SNN: variants seen among roughly 807,000 people sequenced by gnomAD.
SNN encodes the protein stannin.
SNN carries 5 observed loss-of-function variants against 5.3 expected under a neutral mutation model. That is an observed-to-expected ratio of 0.94 (90% confidence interval 0.49 to 1.97). The LOEUF (loss-of-function observed/expected upper bound fraction) is 1.97. SNN is among the 30% of genes most tolerant of loss of function. The pLI is 0.01. For synonymous variants in SNN, 67 were observed against 52.1 expected (o/e 1.29, Z -1.24); for missense variants, 127 against 121.6 (o/e 1.04, Z -0.21).
At position 11,678,095 on chromosome 16, in the gene SNN, C is replaced by T. The variant is rs554226872; in HGVS notation, c.*1769C>T. On this transcript the variant is annotated 3_prime_UTR_variant, in exon 2 of 2. Coordinates refer to ENST00000329565, the MANE Select transcript of SNN (RefSeq NM_003498.6). Reference sequence around the variant, plus strand: ...AGACCTTAGGAAGCAGGAGAGGCAACACCTCTGGCTACTGATGGTGTGGCA... The same window carrying T: ...AGACCTTAGGAAGCAGGAGAGGCAATACCTCTGGCTACTGATGGTGTGGCA... 6 of 167,204 alleles carry T rather than the reference C, an allele frequency of 3.6e-5. No individual in the cohort carries two copies. In the South Asian group the frequency reaches 1.2e-3, roughly 35 times the overall value. The allele number at this position is 167,204 out of a possible 1,614,324, so 10.4% of individuals were successfully genotyped here.
rs1445070299 is a variant in SNN, at chr16:11,676,672, CT to C, written c.*347del. The C allele has an allele frequency of 3.6e-6, 1 of 280,324 alleles. No homozygotes were observed. The highest frequency in any genetic ancestry group is 7.3e-6 in the Non-Finnish European group (1 of 137,196). 17.4% of individuals were successfully genotyped at this position (280,324 alleles called of 1,614,324 possible). A position where few individuals can be genotyped will look rare whatever the true frequency, so the allele number is the denominator to read the frequency against. On this transcript the variant is annotated 3_prime_UTR_variant, in exon 2 of 2. Coordinates refer to ENST00000329565, the MANE Select transcript of SNN (RefSeq NM_003498.6). ...AAACCTGTGAACTGTAAATAGGCCCCTGGAAGCACGTGCTTAAGCCCTTTTG... is the reference window on the plus strand; with the variant it reads ...AAACCTGTGAACTGTAAATAGGCCCCGGAAGCACGTGCTTAAGCCCTTTTG...
At chr16:11,670,575 T>C (rs896125925) in intron 1 of SNN, among the ~76,000 whole-genome samples, 1 of 152,216 alleles carries the variant, frequency 6.6e-6, no homozygotes, top group African/African-American at 2.4e-5. Flanking sequence ...CCTTTTGTTT[T>C]CACTTTTCTT....
rs1010731549 is a variant in SNN, at chr16:11,672,909, G to A, written c.-85-3066G>A. ...TGGCCTGCCCACCTGGCTTTGCCCC[G>A]CCTATCCCAGGTCCTGGTGCCATTG... On this transcript the variant is annotated intron_variant, in intron 1 of 1. Coordinates refer to ENST00000329565, the MANE Select transcript of SNN (RefSeq NM_003498.6). This position sits in a 1 kb window ranked among gnomAD's most constrained non-coding sequence, Gnocchi z 6.0. 2.6e-5 allele frequency among the ~76,000 whole-genome samples: 4 copies of A among 152,116 alleles called. No individual in the cohort carries two copies. Among genetic ancestry groups the A allele is most frequent in the Non-Finnish European group, 5.9e-5 (4 of 68,020 alleles).
At position 11,679,143 on chromosome 16, in the gene SNN, A is replaced by G. The variant is rs1206414745; in HGVS notation, c.*2817A>G. Reference sequence around the variant, plus strand: ...AAATTTCAATAAAATTTGCATAAATATATTCCCAATGTACAATTTTCACCT... The same window carrying G: ...AAATTTCAATAAAATTTGCATAAATGTATTCCCAATGTACAATTTTCACCT... On this transcript the variant is annotated 3_prime_UTR_variant, in exon 2 of 2. Transcript: ENST00000329565. The surrounding 1 kb of genome is among the most constrained non-coding windows in gnomAD (Gnocchi z 4.6). 1.3e-6 allele frequency: 2 copies of G among 1,562,348 alleles called. No homozygotes were observed. Among genetic ancestry groups the G allele is most frequent in the Admixed American group, 1.9e-5 (1 of 52,288 alleles).
rs761580383 is a variant in SNN, at chr16:11,672,647, G to A, written c.-85-3328G>A. Among the ~76,000 whole-genome samples the A allele has an allele frequency of 5.9e-5, 9 of 152,178 alleles. No individual in the cohort carries two copies. Among genetic ancestry groups the A allele is most frequent in the Non-Finnish European group, 1.0e-4 (7 of 68,026 alleles). ...GAACAGATACGCACTCGGGAGGGCCGGACCACAGGCCAGGCGTGACTGTGG... is the reference window on the plus strand; with the variant it reads ...GAACAGATACGCACTCGGGAGGGCCAGACCACAGGCCAGGCGTGACTGTGG... On this transcript the variant is annotated intron_variant, in intron 1 of 1. Transcript: ENST00000329565. The surrounding 1 kb of genome is among the most constrained non-coding windows in gnomAD (Gnocchi z 6.0).
At chr16:11,670,646 G>T (rs375473567) in intron 1 of SNN, among the ~76,000 whole-genome samples, 1 of 152,218 alleles carries the variant, frequency 6.6e-6, no homozygotes, top group Non-Finnish European at 1.5e-5. Flanking sequence ...TCCGCTTTGC[G>T]CATTGAGAAA....
In SNN at chr16:11,676,162, T is replaced by C; in HGVS notation, c.103T>C (p.Tyr35His). The C allele has an allele frequency of 3.1e-6, 5 of 1,614,192 alleles. No homozygotes were observed. The highest frequency in any genetic ancestry group is 4.2e-6 in the Non-Finnish European group (5 of 1,180,034). ...GGCCTTGATCCTGGGCTGCTGGTGC[T>C]ACCTGCGGCTGCAGCGCATCAGCCA... is the stretch of plus-strand genomic sequence containing the variant. ...LGALILGCWC[Y>H]LRLQRISQSE... Residue 35 changes from tyrosine to histidine, a missense_variant, in exon 2 of 2, where the codon TAC becomes CAC. Physicochemically the swap from Tyr to His is moderately conservative, Grantham distance 83. Transcript: ENST00000329565.
rs2050271727 is a variant in SNN at position 11,672,462 on chromosome 16, C to A, written c.-85-3513C>A. Reference sequence around the variant, plus strand: ...GGTGCCAGCCGTGGGGCGGTCAGGGCAGAGGTGGGAGCGTGGGCTCGCAGC... The same window carrying A: ...GGTGCCAGCCGTGGGGCGGTCAGGGAAGAGGTGGGAGCGTGGGCTCGCAGC... On this transcript the variant is annotated intron_variant, in intron 1 of 1. Coordinates refer to ENST00000329565, the MANE Select transcript of SNN (RefSeq NM_003498.6). This position sits in a 1 kb window ranked among gnomAD's most constrained non-coding sequence, Gnocchi z 6.0. 1.3e-5 allele frequency among the ~76,000 whole-genome samples: 2 copies of A among 152,134 alleles called. No homozygotes were observed. Among genetic ancestry groups the A allele is most frequent in the Admixed American group, 6.5e-5 (1 of 15,280 alleles).
chr16:11,670,490 G>T (rs2050260071), intron 1 of SNN, among the ~76,000 whole-genome samples: 1 of 152,230 alleles, frequency 6.6e-6, no homozygotes, highest in Admixed American at 6.5e-5. Context: ...CTCGGGCTCA[G>T]TGTTCTCCCT....
At chr16:11,675,889 G>C (rs1407436056) in intron 1 of SNN, 86 bp from the exon 2 acceptor site, 11 of 670,482 alleles carry the variant, frequency 1.6e-5, no homozygotes, top group Non-Finnish European at 2.4e-5. Flanking sequence ...GTCAGGGTGA[G>C]GGTGGGATGG....
Position 11,675,957 on chromosome 16 carries a change from A to G in SNN, c.-85-18A>G. The G allele has an allele frequency of 2.3e-6, 3 of 1,313,620 alleles. No homozygotes were observed. The highest frequency in any genetic ancestry group is 3.1e-6 in the Non-Finnish European group (3 of 968,952). The allele number at this position is 1,313,620 out of a possible 1,614,324, so 81.4% of individuals were successfully genotyped here. A position where few individuals can be genotyped will look rare whatever the true frequency, so the allele number is the denominator to read the frequency against. On this transcript the variant is annotated intron_variant, in intron 1 of 1. Transcript: ENST00000329565. ...TGGAAGTGCTAACCGCAGCTCGTCAACCTGCTTTGTCTTTCAGGACTCCCG... is the reference window on the plus strand; with the variant it reads ...TGGAAGTGCTAACCGCAGCTCGTCAGCCTGCTTTGTCTTTCAGGACTCCCG...
rs981608069 is a variant in SNN, at chr16:11,671,119, G to A, written c.-86+2579G>A. ...GCAGTTGTTATTCCTTGGGACATGT[G>A]TGGGCTCTGCCGGGAGACAGAGTGT... is the stretch of plus-strand genomic sequence containing the variant. On this transcript the variant is annotated intron_variant, in intron 1 of 1. Transcript: ENST00000329565. This position sits in a 1 kb window ranked among gnomAD's most constrained non-coding sequence, Gnocchi z 4.7. 6.6e-6 allele frequency among the ~76,000 whole-genome samples: 1 copy of A among 152,224 alleles called. No individual in the cohort carries two copies. Among genetic ancestry groups the A allele is most frequent in the African/African-American group, 2.4e-5 (1 of 41,452 alleles).
Position 11,676,044 on chromosome 16 carries a change from G to A in SNN, c.-16G>A. The A allele has an allele frequency of 6.4e-7, 1 of 1,559,602 alleles. No individual in the cohort carries two copies. ...CCCCAAAGTGCTGCCAGCCGAGGAA[G>A]CCCCCAGCACTGACCATGTCTATTA... On this transcript the variant is annotated 5_prime_UTR_variant, in exon 2 of 2. Coordinates refer to ENST00000329565, the MANE Select transcript of SNN (RefSeq NM_003498.6).
chr16:11,671,416 G>T lies in SNN; in HGVS notation c.-86+2876G>T, dbSNP rs530473278. Reference sequence around the variant, plus strand: ...AGGCCCAGGCTGTGCTCTGGGTCCTGGCCCCTCTGCACTTGGAAGACCCCT... The same window carrying T: ...AGGCCCAGGCTGTGCTCTGGGTCCTTGCCCCTCTGCACTTGGAAGACCCCT... On this transcript the variant is annotated intron_variant, in intron 1 of 1. Coordinates refer to ENST00000329565, the MANE Select transcript of SNN (RefSeq NM_003498.6). This position sits in a 1 kb window ranked among gnomAD's most constrained non-coding sequence, Gnocchi z 4.7. Among the ~76,000 whole-genome samples the T allele has an allele frequency of 6.6e-6, 1 of 152,258 alleles. No homozygotes were observed. The highest frequency in any genetic ancestry group is 6.5e-5 in the Admixed American group (1 of 15,300).
At chr16:11,670,260 C>A (rs536757170) in intron 1 of SNN, among the ~76,000 whole-genome samples, 47 of 152,192 alleles carry the variant, frequency 3.1e-4, no homozygotes, top group Non-Finnish European at 5.0e-4. Context: ...GATGGCTGGT[C>A]CCCTGTAAGC....
chr16:11,673,615 G>A (rs1184905518), intron 1 of SNN, among the ~76,000 whole-genome samples: 1 of 152,216 alleles, frequency 6.6e-6, no homozygotes, highest in Non-Finnish European at 1.5e-5. Flanking sequence ...AACCAGAAGT[G>A]GCTCCAGACA....
rs961439284 is a variant in SNN at position 11,677,750 on chromosome 16, C to T, written c.*1424C>T. 1 of 167,060 alleles carries T rather than the reference C, an allele frequency of 6.0e-6. No individual in the cohort carries two copies. Among genetic ancestry groups the T allele is most frequent in the African/African-American group, 2.4e-5 (1 of 41,438 alleles). The allele number at this position is 167,060 out of a possible 1,614,324, so 10.3% of individuals were successfully genotyped here. ...TGATTCAAATGTGACTCGTGCCTGC[C>T]CATCCCTGTAATAGATGGAAGGTCA... On this transcript the variant is annotated 3_prime_UTR_variant, in exon 2 of 2. Transcript: ENST00000329565. The surrounding 1 kb of genome is among the most constrained non-coding windows in gnomAD (Gnocchi z 4.2).
In SNN at chr16:11,676,080, C is replaced by A; in HGVS notation, c.21C>A (p.Ser7Arg). ...TGACCATGTCTATTATGGACCACAG[C>A]CCCACCACGGGCGTGGTCACAGTCA... MSIMDH[S>R]PTTGVVTVIV... The change falls in exon 2 of 2, where the codon AGC becomes AGA. Residue 7 changes from serine (S) to arginine (R), a missense_variant. Transcript: ENST00000329565. 1 of 1,609,262 alleles carries A rather than the reference C, an allele frequency of 6.2e-7. No individual in the cohort carries two copies. Among genetic ancestry groups the A allele is most frequent in the Non-Finnish European group, 8.5e-7 (1 of 1,176,814 alleles).
At position 11,679,097 on chromosome 16, in the gene SNN, G is replaced by A. The variant is rs8191348; in HGVS notation, c.*2771G>A. 949 of 1,300,932 alleles carry A rather than the reference G, an allele frequency of 7.3e-4. 19 individuals are homozygous for A. The South Asian group carries it at 0.013, about 18-fold the overall frequency. 80.6% of individuals were successfully genotyped at this position (1,300,932 alleles called of 1,614,324 possible). A position where few individuals can be genotyped will look rare whatever the true frequency, so the allele number is the denominator to read the frequency against. ...ATTCAAGCTGATTTTCTAGACCACT[G>A]AGAAAATCTTTATTTACAATAAATT... On this transcript the variant is annotated 3_prime_UTR_variant, in exon 2 of 2. Transcript: ENST00000329565. The surrounding 1 kb of genome is among the most constrained non-coding windows in gnomAD (Gnocchi z 4.6).
Sources: allele counts gnomAD v4.1 joint callset (sites outside exome capture counted in the v4.1 genomes callset), GRCh38; gene constraint gnomAD v4.1.1; non-coding constraint Gnocchi (gnomAD v3.1); transcripts MANE v1.5; gene names NCBI Gene and HGNC (gene_info 2026-07-23, HGNC 2026-07-21).